The following SGMS1 variants were observed in gnomAD, a reference collection of about 807,000 sequenced individuals.
SGMS1 encodes the protein phosphatidylcholine:ceramide cholinephosphotransferase 1.
Under a neutral mutation model 46.2 loss-of-function variants are expected in SGMS1, and 13 were observed. That is an observed-to-expected ratio of 0.28 (90% CI 0.18 to 0.45). SGMS1 has a LOEUF of 0.45. Ranked by LOEUF, SGMS1 falls within the 20% of genes least tolerant of loss-of-function variation. The pLI is 1.00. For synonymous variants in SGMS1, 203 were observed against 187.8 expected (o/e 1.08, Z -0.66); for missense variants, 324 against 519.9 (o/e 0.62, Z 3.66).
At chr10:50,506,470 T>G (rs187055937) in intron 3 of SGMS1, among the ~76,000 whole-genome samples, 65 of 147,842 alleles carry the variant, frequency 4.4e-4, no homozygotes, top group African/African-American at 1.4e-3. Context: ...TCCTTCCTAA[T>G]AAAAAAAAAA....
At chr10:50,616,294 GTATTTATT>G (rs150519306) in intron 1 of SGMS1, among the ~76,000 whole-genome samples, 17 of 151,496 alleles carry the variant, frequency 1.1e-4, no homozygotes, top group Non-Finnish European at 2.1e-4. Context: ...CTAATTTTAT[GTATTTATT>G]TATTTATTTA....
chr10:50,618,823 A>G (rs1838821552), intron 1 of SGMS1, among the ~76,000 whole-genome samples: 1 of 152,192 alleles, frequency 6.6e-6, no homozygotes, highest in African/African-American at 2.4e-5. Context: ...CCCATGTATC[A>G]GAATCTCCAA....
intron 8 of SGMS1, among the ~76,000 whole-genome samples, chr10:50,320,512 C>A (rs1847423904): frequency 6.6e-6 from 1 of 152,196 alleles, no homozygotes; most frequent in Non-Finnish European, 1.5e-5. Flanking sequence ...GAGAGAGATG[C>A]TTCTAAAGAC....
upstream of SGMS1, chr10:50,624,851 G>A (rs1002514596): frequency 9.1e-6 from 9 of 993,348 alleles, no homozygotes; most frequent in African/African-American, 7.0e-5. Flanking sequence ...GGCAGCCCGA[G>A]GCCGTGCCTC....
intron 3 of SGMS1, among the ~76,000 whole-genome samples, chr10:50,507,190 C>T (rs897675786): frequency 6.6e-6 from 1 of 152,192 alleles, no homozygotes; most frequent in African/African-American, 2.4e-5. Flanking sequence ...CAGAGGGTCC[C>T]TAAAACCCTG....
At chr10:50,551,776 T>G (rs1489268717) in intron 2 of SGMS1, among the ~76,000 whole-genome samples, 1 of 152,148 alleles carries the variant, frequency 6.6e-6, no homozygotes, top group African/African-American at 2.4e-5. Context: ...GTCTTTCTGC[T>G]GTTCCCTTCC....
intron 2 of SGMS1, among the ~76,000 whole-genome samples, chr10:50,537,886 C>A (rs1838017517): frequency 6.6e-6 from 1 of 152,124 alleles, no homozygotes; most frequent in African/African-American, 2.4e-5. Context: ...TGGCTTCAAC[C>A]ATTTGCTTAT....
At chr10:50,430,081 G>A (rs1034488905) in intron 6 of SGMS1, among the ~76,000 whole-genome samples, 4 of 151,898 alleles carry the variant, frequency 2.6e-5, no homozygotes, top group Non-Finnish European at 4.4e-5. Flanking sequence ...TACCATCTCT[G>A]TTCAGACTGT....
intron 3 of SGMS1, among the ~76,000 whole-genome samples, chr10:50,492,726 T>A (rs1416441761): frequency 2.6e-5 from 4 of 152,234 alleles, no homozygotes; most frequent in South Asian, 4.1e-4. Flanking sequence ...ATGGCCATAC[T>A]GCCCAAACCA....
At position 50,345,126 on chromosome 10, in the gene SGMS1, TA is replaced by T. The variant is rs11395568; in HGVS notation, c.-231-782del. Among the ~76,000 whole-genome samples the T allele has an allele frequency of 4.6e-3, 681 of 148,944 alleles. 6 individuals are homozygous for T. The highest frequency in any genetic ancestry group is 0.015 in the African/African-American group (624 of 40,686). On this transcript the variant is annotated intron_variant, in intron 6 of 10. Coordinates refer to ENST00000361781, the MANE Select transcript of SGMS1 (RefSeq NM_147156.4). ...ACTGGTTTAATATTTTTATATTCTT[TA>T]AAAAAAAAAAATCAGTGAATCCCCT...
chr10:50,399,366 T>C (rs1408610254), intron 6 of SGMS1, among the ~76,000 whole-genome samples: 2 of 152,158 alleles, frequency 1.3e-5, no homozygotes, highest in East Asian at 1.9e-4. Context: ...ATATAGAATA[T>C]GCAACTATTG....
intron 3 of SGMS1, among the ~76,000 whole-genome samples, chr10:50,468,627 G>T (rs1837352056): frequency 6.6e-6 from 1 of 152,084 alleles, no homozygotes; most frequent in Admixed American, 6.6e-5. Context: ...GATGCAAAGG[G>T]CAAATTACCA....
rs751561713 is a variant in SGMS1 at position 50,343,870 on chromosome 10, T to A, written c.245A>T (p.Asn82Ile). ...GTCTACGCCAATGTTGAGGTGCCCA[T>A]TGGCATGGCCGTTCTTGTGTGCTTC... Reference protein sequence around the residue: ...HLEAHKNGHANGHLNIGVDIP... With the variant: ...HLEAHKNGHAIGHLNIGVDIP... The change falls in exon 7 of 11, where the codon AAT becomes ATT. Residue 82 changes from asparagine (N) to isoleucine (I), a missense_variant. By Grantham distance (149) the Asn-to-Ile change is moderately radical. Transcript: ENST00000361781. 1 of 1,614,040 alleles carries A rather than the reference T, an allele frequency of 6.2e-7. No homozygotes were observed. Among genetic ancestry groups the A allele is most frequent in the South Asian group, 1.1e-5 (1 of 91,088 alleles).
intron 5 of SGMS1, among the ~76,000 whole-genome samples, chr10:50,449,749 A>T (rs1837077286): frequency 6.6e-6 from 1 of 151,968 alleles, no homozygotes; most frequent in Non-Finnish European, 1.5e-5. Flanking sequence ...ACAGGTTATC[A>T]GTGATAACCC....
intron 2 of SGMS1, among the ~76,000 whole-genome samples, chr10:50,529,109 A>G (rs1837930102): frequency 6.6e-6 from 1 of 152,238 alleles, no homozygotes; most frequent in African/African-American, 2.4e-5. Context: ...TGTTTCAGGT[A>G]GGTGTGGATA....
chr10:50,592,224 A>C (rs1222575991), intron 1 of SGMS1, among the ~76,000 whole-genome samples: 1 of 152,250 alleles, frequency 6.6e-6, no homozygotes, highest in South Asian at 2.1e-4. Context: ...GCTTCCAGAA[A>C]CATCAGTGTT....
chr10:50,571,813 A>C (rs1422122205), intron 2 of SGMS1, among the ~76,000 whole-genome samples: 1 of 152,118 alleles, frequency 6.6e-6, no homozygotes, highest in African/African-American at 2.4e-5. Context: ...TTAATCCTTA[A>C]AATCACTCCG....
chr10:50,592,619 G>A (rs943792327), intron 1 of SGMS1, among the ~76,000 whole-genome samples: 1 of 152,090 alleles, frequency 6.6e-6, no homozygotes, highest in African/African-American at 2.4e-5. Context: ...AGATCCCGGC[G>A]CAAGTATTAC....
intron 6 of SGMS1, among the ~76,000 whole-genome samples, chr10:50,424,912 CAAAAA>C (rs55683387): frequency 1.9e-5 from 1 of 52,160 alleles, no homozygotes. Context: ...AACTCCGTCT[CAAAAA>C]AAAAAAAAAA....
Sources: gnomAD v4.1 joint callset for allele counts (sites outside exome capture counted in the v4.1 genomes callset) on GRCh38, gnomAD v4.1.1 for gene constraint, MANE v1.5 for transcripts, NCBI Gene and HGNC (gene_info 2026-07-23, HGNC 2026-07-21) for gene names.